The following UMAD1 variants were observed in gnomAD, a reference collection of about 807,000 sequenced individuals.
The protein encoded by UMAD1 is UBAP1-MVB12-associated (UMA)-domain containing protein 1.
In UMAD1, 8 loss-of-function variants were observed where a neutral mutation model predicts 6.1. That is an observed-to-expected ratio of 1.30 (90% confidence interval 0.76 to 2.35). The LOEUF (loss-of-function observed/expected upper bound fraction) is 2.35, where lower values mean the gene tolerates loss of function less well. UMAD1 is among the 30% of genes most tolerant of loss of function. The probability of loss-of-function intolerance (pLI) is 0.00; values close to 1 mark genes in which losing one functional copy is unlikely to be tolerated. For missense variants in UMAD1, 130 were observed against 78.4 expected, an observed-to-expected ratio of 1.66 and a Z score of -2.49; for synonymous variants, 56 against 31.4, an observed-to-expected ratio of 1.78 and a Z score of -2.61.
intron 2 of UMAD1, among the ~76,000 whole-genome samples, chr7:7,796,161 G>C (rs747497357): frequency 2.0e-5 from 3 of 151,420 alleles, no homozygotes; most frequent in Non-Finnish European, 3.0e-5. Flanking sequence ...GACCTCACAG[G>C]GTTAACAGGA....
chr7:7,667,794 A>C (rs28916013), intron 1 of UMAD1, among the ~76,000 whole-genome samples: 3 of 152,192 alleles, frequency 2.0e-5, no homozygotes, highest in Non-Finnish European at 4.4e-5. Flanking sequence ...CTAAGTGTTA[A>C]GTGTTTCTGG....
chr7:7,859,771 A>G (rs1181402041), intron 3 of UMAD1, among the ~76,000 whole-genome samples: 1 of 152,178 alleles, frequency 6.6e-6, no homozygotes, highest in Non-Finnish European at 1.5e-5. Flanking sequence ...CTTTTTCCCA[A>G]AAATGCTAGG....
intron 2 of UMAD1, among the ~76,000 whole-genome samples, chr7:7,707,964 T>C (rs1780647212): frequency 6.6e-6 from 1 of 152,212 alleles, no homozygotes; most frequent in South Asian, 2.1e-4. Flanking sequence ...GCAAAGGTCC[T>C]GCTTTTGATC....
At chr7:7,767,669 A>G (rs1231149574) in intron 2 of UMAD1, among the ~76,000 whole-genome samples, 1 of 152,212 alleles carries the variant, frequency 6.6e-6, no homozygotes, top group African/African-American at 2.4e-5. Context: ...GTTAGGGGCC[A>G]GGTACTGGTT....
chr7:7,874,650 C>G (rs1784384825), intron 3 of UMAD1, among the ~76,000 whole-genome samples: 1 of 152,120 alleles, frequency 6.6e-6, no homozygotes, highest in Non-Finnish European at 1.5e-5. Flanking sequence ...AACCCTGTTT[C>G]TACTAAAAAT....
At chr7:7,751,222 G>A (rs577531162) in intron 2 of UMAD1, among the ~76,000 whole-genome samples, 8 of 152,234 alleles carry the variant, frequency 5.3e-5, no homozygotes, top group African/African-American at 1.9e-4. Flanking sequence ...CCAATTATAT[G>A]TATCATGATT....
intron 3 of UMAD1, among the ~76,000 whole-genome samples, chr7:7,835,500 T>TTTTTTTTTTTTTTTTTTTA (rs776524699): frequency 9.8e-6 from 1 of 102,496 alleles, no homozygotes; most frequent in Non-Finnish European, 2.0e-5. Context: ...TTTTTTTTTT[T>TTTTTTTTTTTTTTTTTTTA]AGCTCTTAGC....
At chr7:7,752,566 C>T (rs1261439774) in intron 2 of UMAD1, among the ~76,000 whole-genome samples, 2 of 151,934 alleles carry the variant, frequency 1.3e-5, no homozygotes, top group Non-Finnish European at 1.5e-5. Context: ...CCTAAAAACC[C>T]GACATGAGTT....
rs535675894 is a variant in UMAD1 at position 7,756,869 on chromosome 7, G to A, written c.83-44801G>A. ...CTGGGTGATTCTACTGGGCAGCCAG[G>A]GTTGAAGACCTCAGGCTTTGATGTT... On this transcript the variant is annotated intron_variant, in intron 2 of 3. Coordinates refer to ENST00000682710, the MANE Select transcript of UMAD1 (RefSeq NM_001302348.2). Among the ~76,000 whole-genome samples, 22 of 152,232 alleles carry A rather than the reference G, an allele frequency of 1.4e-4. No individual in the cohort carries two copies. The South Asian group carries it at 4.6e-3, about 32-fold the overall frequency.
At chr7:7,702,869 A>T (rs1301778079) in intron 2 of UMAD1, among the ~76,000 whole-genome samples, 1 of 152,140 alleles carries the variant, frequency 6.6e-6, no homozygotes, top group Non-Finnish European at 1.5e-5. Flanking sequence ...TTGCTGATGA[A>T]CAGTTATTGC....
intron 2 of UMAD1, among the ~76,000 whole-genome samples, chr7:7,744,563 C>T (rs1781533116): frequency 6.7e-6 from 1 of 150,268 alleles, no homozygotes; most frequent in Non-Finnish European, 1.5e-5. Context: ...GTTCTCATTT[C>T]TCCACGTCCT....
At chr7:7,806,133 A>G (rs1379944745) in intron 3 of UMAD1, among the ~76,000 whole-genome samples, 3 of 152,138 alleles carry the variant, frequency 2.0e-5, no homozygotes, top group Admixed American at 1.3e-4. Context: ...CCTATCAAAT[A>G]TCTTCCAAAT....
intron 2 of UMAD1, among the ~76,000 whole-genome samples, chr7:7,743,354 A>G (rs1344174069): frequency 6.6e-6 from 1 of 152,180 alleles, no homozygotes; most frequent in Non-Finnish European, 1.5e-5. Flanking sequence ...TCACAACGTG[A>G]AATAGCAAAA....
At chr7:7,676,343 T>C (rs73050008) in intron 2 of UMAD1, 6,361 of 391,590 alleles carry the variant, frequency 0.016, 78 homozygotes, top group Non-Finnish European at 0.02. Context: ...GTGAGTGAGG[T>C]AGTACTATTA....
intron 2 of UMAD1, chr7:7,772,577 C>G (rs1782122578): frequency 6.6e-6 from 1 of 152,110 alleles, no homozygotes; most frequent in Non-Finnish European, 1.5e-5. Flanking sequence ...TTCCAGTGTA[C>G]TGGAGGCTTG....
At chr7:7,721,512 A>G (rs1377157872) in intron 2 of UMAD1, among the ~76,000 whole-genome samples, 1 of 152,222 alleles carries the variant, frequency 6.6e-6, no homozygotes, top group Non-Finnish European at 1.5e-5. Flanking sequence ...ATGCATTTGA[A>G]TAAGTAGTAA....
intron 2 of UMAD1, chr7:7,687,087 G>A (rs963150629): frequency 1.3e-5 from 2 of 152,164 alleles, no homozygotes; most frequent in Non-Finnish European, 2.9e-5. Context: ...GTTCTGTTCT[G>A]TTTGAGCAAC....
At chr7:7,691,689 T>C (rs1780175815) in intron 2 of UMAD1, among the ~76,000 whole-genome samples, 1 of 152,240 alleles carries the variant, frequency 6.6e-6, no homozygotes, top group Non-Finnish European at 1.5e-5. Context: ...CTTTACATTT[T>C]AGTGACCCTT....
At chr7:7,775,577 C>T (rs1046054928) in intron 2 of UMAD1, among the ~76,000 whole-genome samples, 7 of 152,186 alleles carry the variant, frequency 4.6e-5, no homozygotes, top group Non-Finnish European at 1.0e-4. Flanking sequence ...TCAGGTATTT[C>T]TTCATAGCAG....
Sources: allele counts gnomAD v4.1 joint callset (sites outside exome capture counted in the v4.1 genomes callset), GRCh38; gene constraint gnomAD v4.1.1; transcripts MANE v1.5; gene names NCBI Gene and HGNC (gene_info 2026-07-23, HGNC 2026-07-21).